Variants in BMP8A observed in about 807,000 individuals in gnomAD.
BMP8A encodes BMP-8A.
BMP8A carries 14 observed loss-of-function variants against 36.8 expected under a neutral mutation model. That is an observed-to-expected ratio of 0.38 (90% confidence interval 0.25 to 0.60). The LOEUF is 0.60. BMP8A is among the 20% of genes least tolerant of loss of function. The pLI, the probability that BMP8A is intolerant of heterozygous loss-of-function variation, is 0.63. For missense variants in BMP8A, 267 were observed against 551.1 expected (o/e 0.48, Z 5.16); for synonymous variants, 120 against 237.7 (o/e 0.50, Z 4.55).
At chr1:39,522,798 C>CA (rs1165487901) in intron 5 of BMP8A, among the ~76,000 whole-genome samples, 1 of 131,942 alleles carries the variant, frequency 7.6e-6, no homozygotes, top group Non-Finnish European at 1.5e-5. Flanking sequence ...AGGGGAGGGC[C>CA]GGCTGGGGAG....
chr1:39,524,386 C>T lies in BMP8A; in HGVS notation c.1060-1263C>T, dbSNP rs547002280. Among the ~76,000 whole-genome samples the T allele has an allele frequency of 2.6e-5, 4 of 152,268 alleles. No individual in the cohort carries two copies. In the South Asian group the frequency reaches 8.3e-4, roughly 32 times the overall value. On this transcript the variant is annotated intron_variant, in intron 6 of 6. Coordinates refer to ENST00000331593, the MANE Select transcript of BMP8A (RefSeq NM_181809.4). The surrounding 1 kb of genome is among the most constrained non-coding windows in gnomAD (Gnocchi z 4.0). ...TCGGTGGGCACAGAAGCAAACCAACCGTGGAGTTGACACCTCCTGTGAGGA... is the reference window on the plus strand; with the variant it reads ...TCGGTGGGCACAGAAGCAAACCAACTGTGGAGTTGACACCTCCTGTGAGGA...
intron 1 of BMP8A, among the ~76,000 whole-genome samples, chr1:39,508,604 G>A (rs1645323671): frequency 6.6e-6 from 1 of 152,212 alleles, no homozygotes; most frequent in Non-Finnish European, 1.5e-5. Context: ...GGGGCTGTCT[G>A]CCCATGAACC....
intron 1 of BMP8A, among the ~76,000 whole-genome samples, chr1:39,496,634 G>A (rs138021929): frequency 1.3e-3 from 204 of 152,258 alleles, no homozygotes; most frequent in African/African-American, 4.7e-3. Flanking sequence ...CACAATTGCC[G>A]TCACATCTGT....
chr1:39,518,299 TGGGA>T (rs1353309646), intron 3 of BMP8A, among the ~76,000 whole-genome samples: 1 of 137,158 alleles, frequency 7.3e-6, no homozygotes, highest in East Asian at 2.1e-4. Context: ...GGCCAGATCC[TGGGA>T]AGGAGAGCAG....
chr1:39,523,041 A>C lies in BMP8A; in HGVS notation c.983A>C (p.Tyr328Ser). Residue 328 changes from tyrosine (Y) to serine (S), a missense_variant, in exon 6 of 7, where the codon TAT becomes TCT. Physicochemically the swap from Tyr to Ser is moderately radical, Grantham distance 144. Coordinates refer to ENST00000331593, the MANE Select transcript of BMP8A (RefSeq NM_181809.4). The stretch of plus-strand genomic sequence containing the variant: ...ATCGCCCCCCAAGGCTACTCAGCCT[A>C]TTACTGTGAGGGGGAGTGCTCCTTC... ...WVIAPQGYSA[Y>S]YCEGECSFPL... The C allele has an allele frequency of 8.7e-6, 14 of 1,613,614 alleles. No individual in the cohort carries two copies. Among genetic ancestry groups the C allele is most frequent in the Non-Finnish European group, 1.1e-5 (13 of 1,179,758 alleles).
intron 1 of BMP8A, among the ~76,000 whole-genome samples, chr1:39,497,837 G>C (rs1645218822): frequency 6.6e-6 from 1 of 152,202 alleles, no homozygotes; most frequent in African/African-American, 2.4e-5. Context: ...TGGTCAGGTG[G>C]GACAGAGTGG....
intron 1 of BMP8A, among the ~76,000 whole-genome samples, chr1:39,494,021 G>A (rs1645183858): frequency 6.6e-6 from 1 of 152,224 alleles, no homozygotes. Context: ...CACCTTCTCA[G>A]CCTTGGTTGC....
intron 1 of BMP8A, among the ~76,000 whole-genome samples, chr1:39,507,878 G>A (rs1039479204): frequency 6.6e-6 from 1 of 152,188 alleles, no homozygotes; most frequent in African/African-American, 2.4e-5. Flanking sequence ...TAAGTGCCTT[G>A]ACAAAGATCA....
At chr1:39,514,645 G>T (rs1297702898) in intron 3 of BMP8A, among the ~76,000 whole-genome samples, 3 of 152,150 alleles carry the variant, frequency 2.0e-5, no homozygotes, top group Non-Finnish European at 4.4e-5. Flanking sequence ...GTTGGAGTTT[G>T]TGTCTGAGGC....
Position 39,492,027 on chromosome 1 carries a change from C to T in BMP8A, c.36C>T (p.Gly12=). ...GCCCCGGACCGCTCTGGCTTCTGGG[C>T]CTGACGTTGTGCGCGCTGGGCGGGG... is the stretch of plus-strand genomic sequence containing the variant. ...AARPGPLWLL[G]LTLCALGGGG... The change falls in exon 1 of 7, where the codon GGC becomes GGT. Residue 12 remains glycine, a synonymous_variant. Coordinates refer to ENST00000331593, the MANE Select transcript of BMP8A (RefSeq NM_181809.4). 9.1e-7 allele frequency: 1 copy of T among 1,096,006 alleles called. No individual in the cohort carries two copies. The highest frequency in any genetic ancestry group is 1.1e-6 in the Non-Finnish European group (1 of 902,684). The allele number at this position is 1,096,006 out of a possible 1,614,324, so 67.9% of individuals were successfully genotyped here.
chr1:39,516,920 C>G (rs955181162), intron 3 of BMP8A, among the ~76,000 whole-genome samples: 1 of 151,920 alleles, frequency 6.6e-6, no homozygotes, highest in South Asian at 2.1e-4. Flanking sequence ...AATAGGCGAG[C>G]AAAGATGTGA....
At chr1:39,502,838 G>T (rs1452011776) in intron 1 of BMP8A, among the ~76,000 whole-genome samples, 2 of 152,246 alleles carry the variant, frequency 1.3e-5, no homozygotes, top group East Asian at 3.8e-4. Context: ...GAGGTCAGGA[G>T]TTCGAGACTA....
chr1:39,494,395 G>C (rs916601141), intron 1 of BMP8A, among the ~76,000 whole-genome samples: 3 of 147,576 alleles, frequency 2.0e-5, no homozygotes, highest in South Asian at 2.1e-4. Flanking sequence ...GCATTCCCCA[G>C]GCTGGAGTGT....
intron 4 of BMP8A, 176 bp from the exon 5 acceptor site, chr1:39,522,227 G>A (rs710910): frequency 0.12 from 75,076 of 618,514 alleles, 5,987 homozygotes; most frequent in African/African-American, 0.33. Flanking sequence ...GCAGGCTTTT[G>A]AGCTGGGTCA....
At chr1:39,492,852 CAGA>C (rs1645173506) in intron 1 of BMP8A, among the ~76,000 whole-genome samples, 1 of 152,136 alleles carries the variant, frequency 6.6e-6, no homozygotes, top group African/African-American at 2.4e-5. Context: ...GGGGAAGGAG[CAGA>C]CTCAGCTCGC....
intron 1 of BMP8A, among the ~76,000 whole-genome samples, chr1:39,498,849 C>T (rs905160425): frequency 1.3e-5 from 2 of 151,998 alleles, no homozygotes; most frequent in African/African-American, 4.8e-5. Flanking sequence ...GAGGCAGGTC[C>T]ACAGCAACGG....
intron 3 of BMP8A, chr1:39,515,584 T>C (rs1302725892): frequency 6.8e-7 from 1 of 1,478,978 alleles, no homozygotes; most frequent in African/African-American, 1.4e-5. Context: ...TTCGCCCTGG[T>C]GAAAGGGTGG....
intron 1 of BMP8A, among the ~76,000 whole-genome samples, chr1:39,496,147 A>AAGATG (rs1645203385): frequency 3.3e-5 from 5 of 149,504 alleles, no homozygotes; most frequent in South Asian, 4.3e-4. Flanking sequence ...TTTACCAGGG[A>AAGATG]CCTCTTTCAT....
At chr1:39,499,586 C>G (rs1645235891) in intron 1 of BMP8A, among the ~76,000 whole-genome samples, 1 of 152,246 alleles carries the variant, frequency 6.6e-6, no homozygotes, top group African/African-American at 2.4e-5. Context: ...GGAGGCCTAG[C>G]CTGGAGTGGC....
Sources: gnomAD v4.1 joint callset for allele counts (sites outside exome capture counted in the v4.1 genomes callset) on GRCh38, gnomAD v4.1.1 for gene constraint, Gnocchi (gnomAD v3.1) non-coding constraint, MANE v1.5 for transcripts, NCBI Gene and HGNC (gene_info 2026-07-23, HGNC 2026-07-21) for gene names.